The following SPMIP2 variants were observed in gnomAD, a reference collection of about 807,000 sequenced individuals.
The protein encoded by SPMIP2 is sperm microtubule inner protein 2.
the SPMIP2 span, among the ~76,000 whole-genome samples, chr4:158,949,715 C>G: frequency 2.0e-5 from 3 of 152,164 alleles, no homozygotes; most frequent in Non-Finnish European, 4.4e-5. Flanking sequence ...CCTAGTGAAC[C>G]CAATTTTCTT....
At chr4:158,915,176 CT>C in the SPMIP2 span, 6 of 1,610,588 alleles carry the variant, frequency 3.7e-6, no homozygotes, top group Non-Finnish European at 2.5e-6. Flanking sequence ...ATACCTTTTC[CT>C]TTTTTGGTAG....
the SPMIP2 span, among the ~76,000 whole-genome samples, chr4:159,011,440 G>A: frequency 6.6e-6 from 1 of 152,118 alleles, no homozygotes; most frequent in Non-Finnish European, 1.5e-5. Context: ...ATTTTCTCTG[G>A]GTTAATTAAT....
the SPMIP2 span, chr4:159,026,201 T>C: frequency 4.4e-6 from 2 of 458,154 alleles, no homozygotes; most frequent in Non-Finnish European, 4.3e-6. Flanking sequence ...GAACTAGGAG[T>C]GGGAATAGCT....
chr4:159,068,557 G>A, the SPMIP2 span, among the ~76,000 whole-genome samples: 2 of 151,868 alleles, frequency 1.3e-5, no homozygotes, highest in African/African-American at 2.4e-5. Flanking sequence ...TATACCTAAT[G>A]CTAAATGACG....
At chr4:158,928,287 A>G in the SPMIP2 span, among the ~76,000 whole-genome samples, 1 of 151,906 alleles carries the variant, frequency 6.6e-6, no homozygotes, top group African/African-American at 2.4e-5. Flanking sequence ...GTATCTAGCT[A>G]CTCTGGTGGG....
the SPMIP2 span, among the ~76,000 whole-genome samples, chr4:159,040,474 A>AT: frequency 3.6e-5 from 5 of 140,830 alleles, no homozygotes; most frequent in African/African-American, 1.3e-4. Context: ...CCCGGTCTGT[A>AT]TTTTTTCTTT....
At chr4:158,957,176 T>C in the SPMIP2 span, among the ~76,000 whole-genome samples, 2 of 152,188 alleles carry the variant, frequency 1.3e-5, no homozygotes, top group African/African-American at 4.8e-5. Flanking sequence ...AGAATGATCT[T>C]AACAAAACAG....
At chr4:158,974,706 C>T in the SPMIP2 span, among the ~76,000 whole-genome samples, 2 of 152,134 alleles carry the variant, frequency 1.3e-5, no homozygotes, top group East Asian at 1.9e-4. Context: ...TTCAGTAAAA[C>T]ATTGATGGGC....
the SPMIP2 span, among the ~76,000 whole-genome samples, chr4:159,014,662 C>T: frequency 6.6e-6 from 1 of 152,118 alleles, no homozygotes; most frequent in Non-Finnish European, 1.5e-5. Flanking sequence ...GCATTTTATG[C>T]TTTTTCTCCA....
the SPMIP2 span, among the ~76,000 whole-genome samples, chr4:158,953,757 A>G: frequency 6.6e-6 from 1 of 152,236 alleles, no homozygotes; most frequent in Non-Finnish European, 1.5e-5. Flanking sequence ...TACCTCCTAC[A>G]TCATCAGCAT....
chr4:159,054,798 T>C, the SPMIP2 span, among the ~76,000 whole-genome samples: 1 of 152,138 alleles, frequency 6.6e-6, no homozygotes, highest in Admixed American at 6.6e-5. Flanking sequence ...TCTTTCATGG[T>C]CTTCCTCCCC....
the SPMIP2 span, among the ~76,000 whole-genome samples, chr4:158,982,141 G>T: frequency 6.6e-6 from 1 of 152,120 alleles, no homozygotes; most frequent in African/African-American, 2.4e-5. Context: ...ATTACAAAAT[G>T]GTAAAGGGAT....
At chr4:159,070,631 T>G in the SPMIP2 span, among the ~76,000 whole-genome samples, 1 of 152,228 alleles carries the variant, frequency 6.6e-6, no homozygotes, top group African/African-American at 2.4e-5. Context: ...TTGCTAACTT[T>G]GGAGGTATTT....
the SPMIP2 span, among the ~76,000 whole-genome samples, chr4:158,990,885 T>G: frequency 0.35 from 53,745 of 152,032 alleles, 9,746 homozygotes; most frequent in South Asian, 0.44. Context: ...TAAAAAACGT[T>G]TGCAGATAGC....
the SPMIP2 span, among the ~76,000 whole-genome samples, chr4:159,039,148 A>G: frequency 1.6e-4 from 25 of 152,162 alleles, no homozygotes; most frequent in Admixed American, 5.2e-4. Flanking sequence ...CATGTTGGCC[A>G]GGCTGGTCTG....
chr4:159,005,263 G>A, the SPMIP2 span, among the ~76,000 whole-genome samples: 31 of 149,760 alleles, frequency 2.1e-4, no homozygotes, highest in East Asian at 5.9e-3. Flanking sequence ...GGCCAACATG[G>A]TGAAACCCCA....
chr4:158,985,802 A>G, the SPMIP2 span, among the ~76,000 whole-genome samples: 2 of 152,272 alleles, frequency 1.3e-5, no homozygotes, highest in Admixed American at 6.5e-5. Context: ...GGCAGGAGAA[A>G]GAAATAAAGG....
chr4:159,068,802 G>A, the SPMIP2 span, among the ~76,000 whole-genome samples: 1 of 152,038 alleles, frequency 6.6e-6, no homozygotes, highest in Non-Finnish European at 1.5e-5. Flanking sequence ...AAGGTAAATT[G>A]GGATGGAGAA....
chr4:159,048,731 C>CTTTTT, the SPMIP2 span, among the ~76,000 whole-genome samples: 26 of 111,482 alleles, frequency 2.3e-4, 1 homozygote, highest in Non-Finnish European at 3.6e-4. Flanking sequence ...TCCCCTTCCA[C>CTTTTT]TTTTTTTTTT....
Sources: gnomAD v4.1 joint callset for allele counts (sites outside exome capture counted in the v4.1 genomes callset) on GRCh38, gnomAD v4.1.1 for gene constraint, MANE v1.5 for transcripts, NCBI Gene and HGNC (gene_info 2026-07-23, HGNC 2026-07-21) for gene names.